Variants in PDSS2 observed in about 807,000 individuals in gnomAD.
The protein encoded by PDSS2 is all trans-polyprenyl-diphosphate synthase PDSS2.
In PDSS2, 31 loss-of-function variants were observed where a neutral mutation model predicts 44.5. The ratio of observed to expected loss-of-function variants is 0.70; its 90% CI spans 0.52 to 0.94. The LOEUF (loss-of-function observed/expected upper bound fraction) is 0.94. Ranked by LOEUF, PDSS2 falls within the 40% of genes least tolerant of loss-of-function variation. PDSS2 has a pLI of 0.00. For synonymous variants in PDSS2, 157 were observed against 180.3 expected (o/e 0.87, Z 1.03); for missense variants, 452 against 482.2 (o/e 0.94, Z 0.59).
At chr6:107,386,545 A>G (rs1779617731) in intron 1 of PDSS2, among the ~76,000 whole-genome samples, 1 of 152,180 alleles carries the variant, frequency 6.6e-6, no homozygotes, top group South Asian at 2.1e-4. Flanking sequence ...CTGACCATTC[A>G]TGTCATAAAA....
chr6:107,315,121 T>C (rs1352797301), intron 2 of PDSS2, among the ~76,000 whole-genome samples: 1 of 152,192 alleles, frequency 6.6e-6, no homozygotes, highest in Non-Finnish European at 1.5e-5. Context: ...CTCTAAATAC[T>C]TATTTTCTTA....
chr6:107,260,964 C>A (rs1398126547), intron 3 of PDSS2, among the ~76,000 whole-genome samples: 1 of 152,038 alleles, frequency 6.6e-6, no homozygotes, highest in Non-Finnish European at 1.5e-5. Context: ...GCCTGGCCCC[C>A]CCTCCATTTT....
In PDSS2 at chr6:107,237,118, A is replaced by G. The variant is rs1421807994; in HGVS notation, c.702+8430T>C. On this transcript the variant is annotated intron_variant, in intron 4 of 7. Transcript: ENST00000369037. ...CTGGTTAATGTTTTAATTTTTGTAG[A>G]GATGGGTTCTTGCCATGTTGCGTAA... 7.2e-5 allele frequency among the ~76,000 whole-genome samples: 11 copies of G among 152,120 alleles called. No homozygotes were observed. In the East Asian group the frequency reaches 1.7e-3, roughly 24 times the overall value.
chr6:107,239,634 C>CTTTTTTTTTTTTTT (rs1177940710), intron 4 of PDSS2, among the ~76,000 whole-genome samples: 2 of 76,924 alleles, frequency 2.6e-5, no homozygotes, highest in African/African-American at 5.3e-5. Flanking sequence ...TGTACTCTAC[C>CTTTTTTTTTTTTTT]TTTTTTTTTT....
chr6:107,233,892 T>C (rs970825423), intron 4 of PDSS2, among the ~76,000 whole-genome samples: 3 of 151,768 alleles, frequency 2.0e-5, no homozygotes. Flanking sequence ...CAGAGCCTAG[T>C]GTAGTGGCAC....
At chr6:107,209,928 T>A (rs1382363471) in intron 6 of PDSS2, among the ~76,000 whole-genome samples, 1 of 152,118 alleles carries the variant, frequency 6.6e-6, no homozygotes, top group African/African-American at 2.4e-5. Flanking sequence ...AATGAGAAAT[T>A]CACCCAATTC....
chr6:107,358,613 TG>T (rs1456490712), intron 1 of PDSS2, among the ~76,000 whole-genome samples: 1 of 152,084 alleles, frequency 6.6e-6, no homozygotes, highest in Non-Finnish European at 1.5e-5. Context: ...ATTGCAGAAA[TG>T]ATGAAAAATT....
At chr6:107,272,388 T>G (rs1582876532) in intron 3 of PDSS2, among the ~76,000 whole-genome samples, 1 of 152,166 alleles carries the variant, frequency 6.6e-6, no homozygotes, top group Non-Finnish European at 1.5e-5. Flanking sequence ...AGATCTGCCC[T>G]TTTTTTGTCC....
chr6:107,201,530 T>C (rs963295037), intron 6 of PDSS2, among the ~76,000 whole-genome samples: 1 of 152,052 alleles, frequency 6.6e-6, no homozygotes, highest in Non-Finnish European at 1.5e-5. Flanking sequence ...ATGTACAATG[T>C]GGTCTTTTAC....
rs545660657 is a variant in PDSS2 at position 107,398,341 on chromosome 6, T to C, written c.296+60649A>G. Among the ~76,000 whole-genome samples, 5 of 152,354 alleles carry C rather than the reference T, an allele frequency of 3.3e-5. No individual in the cohort carries two copies. The East Asian group carries it at 9.6e-4, about 29-fold the overall frequency. On this transcript the variant is annotated intron_variant, in intron 1 of 7. Transcript: ENST00000369037. ...ATCCTACTCCTTAGTAATATCTTTT[T>C]GTTTTTAAAAGTGTAATCCTTTTTC...
At chr6:107,341,092 G>T (rs563339262) in intron 1 of PDSS2, among the ~76,000 whole-genome samples, 1 of 152,258 alleles carries the variant, frequency 6.6e-6, no homozygotes, top group African/African-American at 2.4e-5. Context: ...TGTGTACGGT[G>T]GAAAGGAGAA....
chr6:107,414,729 T>C (rs1780607264), intron 1 of PDSS2, among the ~76,000 whole-genome samples: 1 of 152,188 alleles, frequency 6.6e-6, no homozygotes. Flanking sequence ...AAAGTAAAGG[T>C]ATTCAAGGTA....
chr6:107,190,651 TC>T (rs1036126746), intron 7 of PDSS2, among the ~76,000 whole-genome samples: 9 of 152,032 alleles, frequency 5.9e-5, no homozygotes, highest in African/African-American at 1.9e-4. Flanking sequence ...TAGGAGACAA[TC>T]CCAAATTAAG....
chr6:107,354,035 T>C (rs969564678), intron 1 of PDSS2, among the ~76,000 whole-genome samples: 1 of 152,202 alleles, frequency 6.6e-6, no homozygotes, highest in Non-Finnish European at 1.5e-5. Flanking sequence ...TCGTACTGTA[T>C]TGAATACACT....
chr6:107,367,541 T>C (rs996602597), intron 1 of PDSS2, among the ~76,000 whole-genome samples: 4 of 152,102 alleles, frequency 2.6e-5, no homozygotes. Flanking sequence ...CTCAGCACTT[T>C]GGGAGGCTGA....
rs532571035 is a variant in PDSS2 at position 107,376,512 on chromosome 6, C to A, written c.297-42180G>T. On this transcript the variant is annotated intron_variant, in intron 1 of 7. Coordinates refer to ENST00000369037, the MANE Select transcript of PDSS2 (RefSeq NM_020381.4). The stretch of plus-strand genomic sequence containing the variant: ...AAGCTGGATTCCTAAGTATTTTATT[C>A]TCTTTGAAGCAATTGTGAATGGGGG... Among the ~76,000 whole-genome samples, 12 of 152,212 alleles carry A rather than the reference C, an allele frequency of 7.9e-5. No homozygotes were observed. In the East Asian group the frequency reaches 2.3e-3, roughly 29 times the overall value.
At chr6:107,173,842 T>C (rs781820827) in intron 7 of PDSS2, among the ~76,000 whole-genome samples, 3 of 152,112 alleles carry the variant, frequency 2.0e-5, no homozygotes, top group Non-Finnish European at 2.9e-5. Context: ...ACAGGGATAA[T>C]TATATAGTTG....
chr6:107,269,025 A>G (rs1481709253), intron 3 of PDSS2, among the ~76,000 whole-genome samples: 1 of 150,592 alleles, frequency 6.6e-6, no homozygotes, highest in African/African-American at 2.4e-5. Flanking sequence ...CTGTGACCTC[A>G]GCCTCCTGGG....
At chr6:107,410,120 C>T (rs1780443341) in intron 1 of PDSS2, among the ~76,000 whole-genome samples, 1 of 152,070 alleles carries the variant, frequency 6.6e-6, no homozygotes, top group African/African-American at 2.4e-5. Context: ...CAGGGCTTTG[C>T]CATTTACATT....
Sources: gnomAD v4.1 joint callset for allele counts (sites outside exome capture counted in the v4.1 genomes callset) on GRCh38, gnomAD v4.1.1 for gene constraint, MANE v1.5 for transcripts, NCBI Gene and HGNC (gene_info 2026-07-23, HGNC 2026-07-21) for gene names.